The following ROBO2 variants were observed in gnomAD, a reference collection of about 807,000 sequenced individuals.
ROBO2 encodes the protein roundabout guidance receptor 2.
In ROBO2, 53 loss-of-function variants were observed where a neutral mutation model predicts 160.8. The ratio of observed to expected loss-of-function variants is 0.33; its 90% CI spans 0.26 to 0.41. The LOEUF is 0.41. ROBO2 is among the 10% of genes least tolerant of loss of function. The pLI is 1.00. For missense variants in ROBO2, 1,577 were observed against 1,722.4 expected, an observed-to-expected ratio of 0.92 and a Z score of 1.49; for synonymous variants, 664 against 611.7, an observed-to-expected ratio of 1.09 and a Z score of -1.26.
At chr3:76,997,764 A>G (rs1287447980) in intron 2 of ROBO2, among the ~76,000 whole-genome samples, 2 of 152,168 alleles carry the variant, frequency 1.3e-5, no homozygotes, top group South Asian at 4.1e-4. Context: ...CAACAAAACA[A>G]AACGATTTTA....
At chr3:76,495,273 C>G (rs1015326282) in intron 2 of ROBO2, among the ~76,000 whole-genome samples, 1 of 150,382 alleles carries the variant, frequency 6.6e-6, no homozygotes, top group Non-Finnish European at 1.5e-5. Context: ...ATGTAATAGC[C>G]CTCCAACTGC....
intron 1 of ROBO2, 42 bp downstream of exon 1, chr3:77,040,888 C>G (rs773591183): frequency 1.2e-6 from 2 of 1,609,320 alleles, no homozygotes; most frequent in Non-Finnish European, 1.7e-6. Flanking sequence ...GCCCCCCACC[C>G]CCCAATCCCC....
intron 2 of ROBO2, among the ~76,000 whole-genome samples, chr3:77,264,109 C>T (rs908113882): frequency 6.6e-6 from 1 of 152,102 alleles, no homozygotes; most frequent in Non-Finnish European, 1.5e-5. Flanking sequence ...TTTAACCCCA[C>T]TGCCATAGAT....
intron 2 of ROBO2, among the ~76,000 whole-genome samples, chr3:77,302,061 C>T (rs2062707805): frequency 6.6e-6 from 1 of 151,968 alleles, no homozygotes; most frequent in African/African-American, 2.4e-5. Flanking sequence ...CATCACCACA[C>T]CTGACTAACT....
At chr3:76,604,849 C>A (rs1404431775) in intron 2 of ROBO2, among the ~76,000 whole-genome samples, 1 of 152,014 alleles carries the variant, frequency 6.6e-6, no homozygotes, top group Non-Finnish European at 1.5e-5. Context: ...TTTGGAAAGC[C>A]CTTGACCAAG....
intron 2 of ROBO2, among the ~76,000 whole-genome samples, chr3:77,229,991 T>C (rs13317330): frequency 0.025 from 3,881 of 152,294 alleles, 158 homozygotes; most frequent in African/African-American, 0.087. Flanking sequence ...ACTACTGTTT[T>C]ATCTGGTGAA....
chr3:76,586,880 G>C lies in ROBO2; in HGVS notation c.110-511134G>C, dbSNP rs139288601. On this transcript the variant is annotated intron_variant, in intron 2 of 26. Coordinates refer to the ROBO2 transcript ENST00000487694. The stretch of plus-strand genomic sequence containing the variant: ...CTTTGCCACACTGATAGTGTCTCCA[G>C]AGAGCAGCCAGGAAGATCAACTCAG... Among the ~76,000 whole-genome samples the C allele has an allele frequency of 2.0e-5, 3 of 152,354 alleles. No homozygotes were observed. In the East Asian group the frequency reaches 5.8e-4, roughly 29 times the overall value.
chr3:76,975,385 G>A (rs761378663), intron 2 of ROBO2, among the ~76,000 whole-genome samples: 7 of 152,060 alleles, frequency 4.6e-5, no homozygotes, highest in Non-Finnish European at 1.0e-4. Flanking sequence ...GGTGCCTGTA[G>A]TCCCAGCTAC....
chr3:77,196,899 T>C (rs976015579), intron 2 of ROBO2, among the ~76,000 whole-genome samples: 26 of 150,046 alleles, frequency 1.7e-4, no homozygotes, highest in Non-Finnish European at 1.5e-5. Context: ...GAGCCTAATA[T>C]ATCAAAAAAG....
At chr3:77,054,091 CAAAG>C (rs988441998) in intron 1 of ROBO2, among the ~76,000 whole-genome samples, 1 of 152,106 alleles carries the variant, frequency 6.6e-6, no homozygotes, top group Non-Finnish European at 1.5e-5. Flanking sequence ...AAGGTTAGTA[CAAAG>C]AGAGATTCTT....
At chr3:77,039,859 G>C (rs996234701), upstream of ROBO2, 13 of 153,078 alleles carry the variant, frequency 8.5e-5, no homozygotes, top group African/African-American at 3.1e-4. Context: ...CGGACGCTCT[G>C]CTGCGAGGCT....
intron 2 of ROBO2, among the ~76,000 whole-genome samples, chr3:76,321,513 A>G (rs931953823): frequency 6.6e-6 from 1 of 151,938 alleles, no homozygotes; most frequent in African/African-American, 2.4e-5. Flanking sequence ...CAACAACAAC[A>G]ACAACAACAA....
intron 2 of ROBO2, among the ~76,000 whole-genome samples, chr3:77,339,395 T>C (rs115951056): frequency 3.1e-4 from 47 of 152,164 alleles, no homozygotes; most frequent in African/African-American, 1.1e-3. Flanking sequence ...TCCAAATATT[T>C]TTCACCATCT....
At chr3:75,940,823 C>A (rs377560335) in intron 2 of ROBO2, among the ~76,000 whole-genome samples, 1 of 152,096 alleles carries the variant, frequency 6.6e-6, no homozygotes, top group Non-Finnish European at 1.5e-5. Flanking sequence ...GCACAGCGGG[C>A]AAAACCATGG....
chr3:76,319,439 C>CT (rs34629249), intron 2 of ROBO2, among the ~76,000 whole-genome samples: 10,278 of 151,816 alleles, frequency 0.068, 418 homozygotes, highest in African/African-American at 0.12. Flanking sequence ...ATTCTTAAGC[C>CT]TTTTTTTTCT....
intron 2 of ROBO2, among the ~76,000 whole-genome samples, chr3:77,277,179 T>TCTTTCTTC (rs1491296096): frequency 6.7e-5 from 7 of 103,968 alleles, no homozygotes; most frequent in Non-Finnish European, 1.4e-4. Context: ...TTTCTTTCTT[T>TCTTTCTTC]CTTTCTTTCT....
chr3:77,596,743 C>T (rs771984122), exon 19 of ROBO2: 2 of 1,613,006 alleles, frequency 1.2e-6, no homozygotes, highest in African/African-American at 1.3e-5. Context: ...GAAATTTTGG[C>T]CGTGGAGGTA....
chr3:77,623,150 A>G (rs922127470), intron 23 of ROBO2, among the ~76,000 whole-genome samples: 1 of 152,220 alleles, frequency 6.6e-6, no homozygotes. Context: ...AAATCCTAAA[A>G]TGGACACAAT....
chr3:76,790,804 G>T (rs2063306732), intron 2 of ROBO2, among the ~76,000 whole-genome samples: 1 of 151,666 alleles, frequency 6.6e-6, no homozygotes, highest in South Asian at 2.1e-4. Context: ...AATAAATGAA[G>T]GTATATAACA....
Sources: allele counts gnomAD v4.1 joint callset (sites outside exome capture counted in the v4.1 genomes callset), GRCh38; gene constraint gnomAD v4.1.1; transcripts MANE v1.5; gene names NCBI Gene and HGNC (gene_info 2026-07-23, HGNC 2026-07-21).